The following PLPPR1 variants were observed in gnomAD, a reference collection of about 807,000 sequenced individuals.
PLPPR1 encodes the protein phospholipid phosphatase-related protein type 1.
In PLPPR1, 10 loss-of-function variants were observed where a neutral mutation model predicts 33.1. That is an observed-to-expected ratio of 0.30 (90% CI 0.19 to 0.51). The LOEUF (loss-of-function observed/expected upper bound fraction) is 0.51, where lower values mean the gene tolerates loss of function less well. PLPPR1 is among the 20% of genes least tolerant of loss of function. The pLI is 0.97. For missense variants in PLPPR1, 304 were observed against 408.1 expected (o/e 0.74, Z 2.20); for synonymous variants, 151 against 151.0 (o/e 1.00, Z 0.00).
chr9:101,082,909 A>C (rs1830637847), intron 1 of PLPPR1, among the ~76,000 whole-genome samples: 1 of 152,312 alleles, frequency 6.6e-6, no homozygotes, highest in East Asian at 1.9e-4. Flanking sequence ...ATTGCTCAGC[A>C]TGTGCCAGTG....
chr9:101,245,067 T>C (rs1033276985), intron 2 of PLPPR1, among the ~76,000 whole-genome samples: 5 of 152,028 alleles, frequency 3.3e-5, no homozygotes, highest in Non-Finnish European at 2.9e-5. Context: ...AAAACCCTGC[T>C]GCTAAGCATG....
intron 1 of PLPPR1, among the ~76,000 whole-genome samples, chr9:101,150,123 C>A (rs7868544): frequency 0.073 from 11,037 of 152,038 alleles, 1,282 homozygotes; most frequent in African/African-American, 0.25. Context: ...TCTCTGCCAA[C>A]TTACTCTTTT....
At chr9:101,314,118 T>G (rs1829010141) in intron 6 of PLPPR1, among the ~76,000 whole-genome samples, 1 of 152,160 alleles carries the variant, frequency 6.6e-6, no homozygotes, top group Non-Finnish European at 1.5e-5. Flanking sequence ...ACTTATACTG[T>G]GCATGAAATG....
intron 1 of PLPPR1, among the ~76,000 whole-genome samples, chr9:101,045,432 A>G: frequency 6.6e-6 from 1 of 152,354 alleles, no homozygotes; most frequent in African/African-American, 2.4e-5. Context: ...GAAGTGAATG[A>G]GTAAGTGAAC....
intron 1 of PLPPR1, among the ~76,000 whole-genome samples, chr9:101,076,909 G>T (rs10989380): frequency 0.039 from 5,888 of 152,110 alleles, 171 homozygotes; most frequent in East Asian, 0.079. Flanking sequence ...CCATTTCCTC[G>T]GCTTCTTCCC....
Position 101,206,495 on chromosome 9 carries a change from T to C in PLPPR1, c.63+20938T>C, listed in dbSNP as rs548767859. ...TTCTCCCAGAGTCTGAGCTCTCTGC[T>C]TGCTGTTTAGGTGCCTTTTCTGTTC... On this transcript the variant is annotated intron_variant, in intron 2 of 7. Coordinates refer to ENST00000374874, the MANE Select transcript of PLPPR1 (RefSeq NM_207299.2). Among the ~76,000 whole-genome samples, 18 of 152,272 alleles carry C rather than the reference T, an allele frequency of 1.2e-4. 1 individual carries two copies. In the South Asian group the frequency reaches 3.5e-3, roughly 30 times the overall value.
chr9:101,304,848 C>T (rs562860398), intron 4 of PLPPR1, among the ~76,000 whole-genome samples: 4 of 152,290 alleles, frequency 2.6e-5, no homozygotes, highest in South Asian at 4.1e-4. Context: ...AGAGCGTGCA[C>T]AAAGCTGCTA....
intron 4 of PLPPR1, among the ~76,000 whole-genome samples, chr9:101,304,875 C>A (rs10989469): frequency 7.2e-5 from 11 of 151,948 alleles, no homozygotes; most frequent in Non-Finnish European, 1.2e-4. Flanking sequence ...GCAGCAGCCA[C>A]GCTCTCCAGA....
At chr9:101,178,774 T>C (rs1826056061) in intron 1 of PLPPR1, among the ~76,000 whole-genome samples, 1 of 152,114 alleles carries the variant, frequency 6.6e-6, no homozygotes, top group African/African-American at 2.4e-5. Context: ...GTGTCCAATA[T>C]ACAGTACTGT....
At chr9:101,058,734 A>C (rs1027476547) in intron 1 of PLPPR1, among the ~76,000 whole-genome samples, 4 of 152,290 alleles carry the variant, frequency 2.6e-5, no homozygotes, top group Admixed American at 2.6e-4. Flanking sequence ...TTTTATAGGC[A>C]AAAGAGTTTC....
rs28838583 is a variant in PLPPR1 at position 101,237,836 on chromosome 9, T to G, written c.64-32044T>G. On this transcript the variant is annotated intron_variant, in intron 2 of 7. Transcript: ENST00000374874. ...GTGTGCATATATATATATATATATA[T>G]GCTATATATGTGTGTGTGTATATAT... Among the ~76,000 whole-genome samples the G allele has an allele frequency of 5.8e-3, 754 of 129,864 alleles. 17 individuals carry two copies. The highest frequency in any genetic ancestry group is 0.021 in the African/African-American group (714 of 34,148). The allele number at this position is 129,864 out of a possible 152,430, so 85.2% of individuals were successfully genotyped here.
intron 1 of PLPPR1, among the ~76,000 whole-genome samples, chr9:101,160,972 A>C (rs970710854): frequency 9.9e-5 from 15 of 152,190 alleles, no homozygotes; most frequent in Non-Finnish European, 1.9e-4. Context: ...TTGAAAAAGA[A>C]TATCTCTCAG....
At chr9:101,268,128 G>A (rs1051141130) in intron 2 of PLPPR1, among the ~76,000 whole-genome samples, 3 of 152,018 alleles carry the variant, frequency 2.0e-5, no homozygotes, top group African/African-American at 7.2e-5. Flanking sequence ...GGGAGAGATA[G>A]CATTAGGAGA....
chr9:101,241,536 C>T (rs1242856537), intron 2 of PLPPR1, among the ~76,000 whole-genome samples: 2 of 152,106 alleles, frequency 1.3e-5, no homozygotes, highest in African/African-American at 4.8e-5. Context: ...GCTGGCTGGA[C>T]AAGCTTGAGA....
intron 3 of PLPPR1, among the ~76,000 whole-genome samples, chr9:101,270,358 A>C (rs545485300): frequency 1.3e-5 from 2 of 152,346 alleles, no homozygotes; most frequent in South Asian, 4.1e-4. Flanking sequence ...CTAATGTGTT[A>C]AGAACAGCTA....
chr9:101,080,266 G>T (rs1830601558), intron 1 of PLPPR1, among the ~76,000 whole-genome samples: 1 of 152,162 alleles, frequency 6.6e-6, no homozygotes, highest in African/African-American at 2.4e-5. Flanking sequence ...ATATGGCTGG[G>T]TGCAGTGGCT....
In PLPPR1 at chr9:101,286,667, G is replaced by C. The variant is rs78917859; in HGVS notation, c.385+431G>C. ...AAGAGTGGGAAATCTCAGCCATCAG[G>C]TTCTTGAAAATAATGCCTTTTCAAA... On this transcript the variant is annotated intron_variant, in intron 4 of 7. Transcript: ENST00000374874. Among the ~76,000 whole-genome samples the C allele has an allele frequency of 6.9e-3, 1,055 of 152,226 alleles. 14 individuals are homozygous for C. The highest frequency in any genetic ancestry group is 0.024 in the African/African-American group (1,001 of 41,542).
intron 1 of PLPPR1, among the ~76,000 whole-genome samples, chr9:101,168,665 C>T (rs905877949): frequency 6.6e-6 from 1 of 152,114 alleles, no homozygotes; most frequent in African/African-American, 2.4e-5. Flanking sequence ...GCCTTGAACC[C>T]AGAAGGTACT....
At chr9:101,256,605 TTGC>T (rs1439828130) in intron 2 of PLPPR1, among the ~76,000 whole-genome samples, 4 of 152,288 alleles carry the variant, frequency 2.6e-5, no homozygotes, top group Admixed American at 6.5e-5. Context: ...AAGTATGTTG[TTGC>T]TGCTATTATT....
Sources: allele counts gnomAD v4.1 joint callset (sites outside exome capture counted in the v4.1 genomes callset), GRCh38; gene constraint gnomAD v4.1.1; transcripts MANE v1.5; gene names NCBI Gene and HGNC (gene_info 2026-07-23, HGNC 2026-07-21).